Variants in GMDS observed in about 807,000 individuals in gnomAD.
The protein encoded by GMDS is GDP-mannose 4,6 dehydratase.
In GMDS, 20 loss-of-function variants were observed where a neutral mutation model predicts 49.9. The ratio of observed to expected loss-of-function variants is 0.40; its 90% CI spans 0.28 to 0.58. GMDS has a LOEUF of 0.58. Among genes scored for constraint, GMDS ranks in the 20% least tolerant of loss-of-function variants. GMDS has a pLI of 0.42. For synonymous variants in GMDS, 177 were observed against 178.6 expected (o/e 0.99, Z 0.07); for missense variants, 362 against 481.4 (o/e 0.75, Z 2.32).
intron 9 of GMDS, among the ~76,000 whole-genome samples, chr6:1,655,696 G>A (rs994312545): frequency 4.6e-5 from 7 of 152,082 alleles, no homozygotes; most frequent in Admixed American, 6.5e-5. Flanking sequence ...GTAGAGACAG[G>A]GTTTCACCAT....
At chr6:2,219,012 G>A (rs775085018) in intron 1 of GMDS, among the ~76,000 whole-genome samples, 13 of 152,088 alleles carry the variant, frequency 8.5e-5, no homozygotes, top group Non-Finnish European at 1.5e-4. Flanking sequence ...AGGGAGGACC[G>A]CTTGAGCCCA....
In GMDS at chr6:1,959,935, T is replaced by A; in HGVS notation, c.575A>T (p.Asn192Ile). The A allele has an allele frequency of 1.2e-6, 2 of 1,609,636 alleles. No homozygotes were observed. Among genetic ancestry groups the A allele is most frequent in the Non-Finnish European group, 1.7e-6 (2 of 1,178,250 alleles). The change falls in exon 6 of 11, where the codon AAC (asparagine) becomes ATC (isoleucine). Residue 192 changes from asparagine (N) to isoleucine (I), a missense_variant. Transcript: ENST00000380815. Reference sequence around the variant, plus strand: ...AAAGAGATTATACGCCTCACGGAAGTTCACCACAATCCAATAGGCATAGAG... The same window carrying A: ...AAAGAGATTATACGCCTCACGGAAGATCACCACAATCCAATAGGCATAGAG... ...AKLYAYWIVV[N>I]FREAYNLFAV... is the part of the protein sequence containing the mutation.
chr6:1,816,880 G>A (rs553263696), intron 7 of GMDS, among the ~76,000 whole-genome samples: 2 of 151,470 alleles, frequency 1.3e-5, no homozygotes, highest in Non-Finnish European at 2.9e-5. Flanking sequence ...TCAATGGAAG[G>A]GGGGTGGTAG....
At chr6:2,209,699 T>A (rs1319924602) in intron 1 of GMDS, among the ~76,000 whole-genome samples, 1 of 152,060 alleles carries the variant, frequency 6.6e-6, no homozygotes, top group East Asian at 1.9e-4. Context: ...TTATAAAACC[T>A]CTAGAAGCCA....
chr6:1,843,877 C>T (rs569853785), intron 7 of GMDS, among the ~76,000 whole-genome samples: 1 of 152,218 alleles, frequency 6.6e-6, no homozygotes, highest in African/African-American at 2.4e-5. Flanking sequence ...CCAGGCCCCT[C>T]CAAAAGAAGA....
intron 4 of GMDS, among the ~76,000 whole-genome samples, chr6:2,050,446 G>A (rs1456199061): frequency 6.6e-6 from 1 of 152,108 alleles, no homozygotes; most frequent in Non-Finnish European, 1.5e-5. Context: ...TTCTACCAGA[G>A]GTACAAGGAG....
intron 4 of GMDS, among the ~76,000 whole-genome samples, 177 bp from the exon 5 acceptor site, chr6:1,961,143 AT>A (rs571539004): frequency 1.1e-4 from 17 of 152,364 alleles, no homozygotes; most frequent in African/African-American, 3.6e-4. Context: ...ATTGCTAAAA[AT>A]ATCTTAATTC....
intron 1 of GMDS, among the ~76,000 whole-genome samples, chr6:2,202,389 CAGT>C: frequency 6.7e-6 from 1 of 149,406 alleles, no homozygotes; most frequent in Admixed American, 6.6e-5. Context: ...CCTCACTGCA[CAGT>C]CGAGTAAGCA....
At chr6:2,111,216 C>A (rs1326834399) in intron 4 of GMDS, among the ~76,000 whole-genome samples, 2 of 152,160 alleles carry the variant, frequency 1.3e-5, no homozygotes, top group African/African-American at 2.4e-5. Context: ...AACCGCACAA[C>A]CACAACAAAA....
chr6:2,015,433 G>A (rs565059481), intron 4 of GMDS, among the ~76,000 whole-genome samples: 46 of 152,238 alleles, frequency 3.0e-4, no homozygotes, highest in Admixed American at 2.6e-3. Flanking sequence ...GAAGTATCAA[G>A]ATAAATGTTT....
intron 4 of GMDS, among the ~76,000 whole-genome samples, chr6:1,992,149 T>C (rs554253395): frequency 6.6e-6 from 1 of 152,324 alleles, no homozygotes; most frequent in South Asian, 2.1e-4. Flanking sequence ...TACCTGAGCA[T>C]ATATTCTGAG....
At chr6:1,656,283 G>A (rs928772922) in intron 9 of GMDS, among the ~76,000 whole-genome samples, 1 of 152,176 alleles carries the variant, frequency 6.6e-6, no homozygotes, top group Non-Finnish European at 1.5e-5. Flanking sequence ...TGTCACTACT[G>A]TCTCCAAGAG....
chr6:2,044,882 CTGTG>C (rs147113585), intron 4 of GMDS, among the ~76,000 whole-genome samples: 15 of 150,340 alleles, frequency 1.0e-4, no homozygotes, highest in Non-Finnish European at 1.9e-4. Context: ...TTTTTCTTTT[CTGTG>C]TGTGTGTGTG....
chr6:1,912,173 C>G (rs1429734149), intron 7 of GMDS, among the ~76,000 whole-genome samples: 1 of 152,022 alleles, frequency 6.6e-6, no homozygotes, highest in Non-Finnish European at 1.5e-5. Context: ...TGAGACCAGC[C>G]TGGCCAAAAC....
At chr6:1,835,646 A>T (rs1756888869) in intron 7 of GMDS, among the ~76,000 whole-genome samples, 1 of 152,196 alleles carries the variant, frequency 6.6e-6, no homozygotes, top group South Asian at 2.1e-4. Context: ...TTCAAAAAAC[A>T]AGTGCAGGCA....
At chr6:1,639,005 G>C (rs1763249126) in intron 9 of GMDS, among the ~76,000 whole-genome samples, 1 of 152,176 alleles carries the variant, frequency 6.6e-6, no homozygotes, top group Non-Finnish European at 1.5e-5. Context: ...CATGCAGTCA[G>C]CCCAGAAGCT....
chr6:1,761,229 T>C (rs966378703), intron 7 of GMDS, among the ~76,000 whole-genome samples: 1 of 152,162 alleles, frequency 6.6e-6, no homozygotes, highest in Non-Finnish European at 1.5e-5. Flanking sequence ...AGGGAGTTTT[T>C]AAAAAATTAA....
At chr6:1,675,139 G>C (rs1040900677) in intron 9 of GMDS, among the ~76,000 whole-genome samples, 9 of 151,998 alleles carry the variant, frequency 5.9e-5, no homozygotes, top group Non-Finnish European at 1.2e-4. Flanking sequence ...GTTTCTCCAT[G>C]TTGGTCAGGC....
At chr6:1,992,412 C>G (rs896396761) in intron 4 of GMDS, among the ~76,000 whole-genome samples, 3 of 152,190 alleles carry the variant, frequency 2.0e-5, no homozygotes, top group African/African-American at 2.4e-5. Flanking sequence ...CTTCTCTGCT[C>G]CACTGCCATT....
Sources: gnomAD v4.1 joint callset for allele counts (sites outside exome capture counted in the v4.1 genomes callset) on GRCh38, gnomAD v4.1.1 for gene constraint, MANE v1.5 for transcripts, NCBI Gene and HGNC (gene_info 2026-07-23, HGNC 2026-07-21) for gene names.